Variants in CPNE8 observed in about 807,000 individuals in gnomAD.
CPNE8 encodes copine 8.
CPNE8 carries 45 observed loss-of-function variants against 81.5 expected under a neutral mutation model. The observed-to-expected ratio is 0.55, with a 90% confidence interval of 0.44 to 0.71. CPNE8 has a LOEUF of 0.71. CPNE8 is among the 30% of genes least tolerant of loss of function. CPNE8 has a pLI of 0.00. For synonymous variants in CPNE8, 252 were observed against 226.3 expected (o/e 1.11, Z -1.02); for missense variants, 594 against 672.1 (o/e 0.88, Z 1.28).
chr12:38,746,999 G>A (rs1383987352), intron 10 of CPNE8, among the ~76,000 whole-genome samples: 1 of 152,106 alleles, frequency 6.6e-6, no homozygotes, highest in African/African-American at 2.4e-5. Flanking sequence ...TGATCTGCAG[G>A]CCACCTCAGA....
chr12:38,810,598 G>T (rs1182007298), intron 6 of CPNE8, among the ~76,000 whole-genome samples: 2 of 152,132 alleles, frequency 1.3e-5, no homozygotes, highest in Admixed American at 6.6e-5. Context: ...TGCAAGAGGA[G>T]TGGGTGGAGG....
chr12:38,829,172 C>CT (rs1442859536), intron 6 of CPNE8, among the ~76,000 whole-genome samples: 1 of 152,102 alleles, frequency 6.6e-6, no homozygotes, highest in Admixed American at 6.6e-5. Context: ...CTCATTTCAT[C>CT]TTGTGAAAAT....
At chr12:38,803,719 G>C (rs1322590593) in intron 6 of CPNE8, among the ~76,000 whole-genome samples, 6 of 150,022 alleles carry the variant, frequency 4.0e-5, no homozygotes, top group Admixed American at 6.7e-5. Flanking sequence ...AAGTCAAATT[G>C]TCCCTGTTTG....
intron 1 of CPNE8, among the ~76,000 whole-genome samples, chr12:38,879,830 A>T (rs973688885): frequency 3.9e-5 from 6 of 152,112 alleles, no homozygotes; most frequent in African/African-American, 1.4e-4. Context: ...AGAAATTTTT[A>T]AAGTTCTAAT....
chr12:38,816,782 T>C (rs1385974499), intron 6 of CPNE8, among the ~76,000 whole-genome samples: 1 of 152,218 alleles, frequency 6.6e-6, no homozygotes, highest in East Asian at 1.9e-4. Flanking sequence ...TTTAGAATCT[T>C]TCATCAGAGT....
At chr12:38,733,064 C>T (rs915775061) in intron 10 of CPNE8, among the ~76,000 whole-genome samples, 45 of 151,904 alleles carry the variant, frequency 3.0e-4, no homozygotes, top group African/African-American at 9.9e-4. Context: ...TGAGGATTTG[C>T]TAAAAGTCAT....
intron 3 of CPNE8, among the ~76,000 whole-genome samples, chr12:38,851,995 C>A (rs2137063434): frequency 6.6e-6 from 1 of 152,282 alleles, no homozygotes; most frequent in South Asian, 2.1e-4. Flanking sequence ...CTGACTTTTT[C>A]CTCATCCTTT....
chr12:38,702,036 A>G (rs141766211), intron 14 of CPNE8, among the ~76,000 whole-genome samples: 3 of 152,290 alleles, frequency 2.0e-5, no homozygotes, highest in African/African-American at 7.2e-5. Context: ...CCTCTAAGGT[A>G]CTTTCTTCCC....
intron 1 of CPNE8, among the ~76,000 whole-genome samples, chr12:38,896,157 C>T (rs775618255): frequency 1.2e-4 from 19 of 152,162 alleles, no homozygotes; most frequent in African/African-American, 3.6e-4. Flanking sequence ...TATTTGAATT[C>T]GTTTACTGTC....
At chr12:38,800,963 A>G (rs1225434802) in intron 6 of CPNE8, among the ~76,000 whole-genome samples, 4 of 147,948 alleles carry the variant, frequency 2.7e-5, no homozygotes, top group Non-Finnish European at 6.0e-5. Context: ...GAGAAAAAAG[A>G]ATAAAAAGAA....
intron 13 of CPNE8, among the ~76,000 whole-genome samples, chr12:38,718,014 T>C (rs538909198): frequency 1.3e-5 from 2 of 152,128 alleles, no homozygotes; most frequent in East Asian, 3.9e-4. Flanking sequence ...ATATCATACT[T>C]ATTATGTATT....
chr12:38,897,697 A>T (rs1944407828), intron 1 of CPNE8, among the ~76,000 whole-genome samples: 1 of 151,466 alleles, frequency 6.6e-6, no homozygotes, highest in African/African-American at 2.4e-5. Flanking sequence ...TAATATACAC[A>T]GAGAGAATAT....
intron 10 of CPNE8, among the ~76,000 whole-genome samples, chr12:38,755,983 T>C (rs1461762012): frequency 1.5e-5 from 2 of 132,294 alleles, no homozygotes; most frequent in African/African-American, 5.5e-5. Flanking sequence ...GAGCTTGCAG[T>C]GAGCCGAGAT....
chr12:38,686,192 A>G (rs1443843257), intron 15 of CPNE8, among the ~76,000 whole-genome samples: 4 of 152,318 alleles, frequency 2.6e-5, no homozygotes, highest in South Asian at 4.1e-4. Context: ...TCAGGCCACA[A>G]TTGATAACTC....
Position 38,724,911 on chromosome 12 carries a change from GATAAAACAATTAA to G in CPNE8, c.799-25_799-13del. The G allele has an allele frequency of 6.6e-7, 1 of 1,522,562 alleles. No homozygotes were observed. Among genetic ancestry groups the G allele is most frequent in the Non-Finnish European group, 9.0e-7 (1 of 1,108,476 alleles). 94.3% of individuals were successfully genotyped at this position (1,522,562 alleles called of 1,614,324 possible). ...TTGGGATTCACCACCTTAAAAAGCAGATAAAACAATTAAAATGTGTTAGGTTTTATACCGAAGT... is the reference window on the plus strand; with the variant it reads ...TTGGGATTCACCACCTTAAAAAGCAGAATGTGTTAGGTTTTATACCGAAGT... On this transcript the variant is annotated splice_polypyrimidine_tract_variant and intron_variant, in intron 11 of 19. Transcript: ENST00000331366.
intron 3 of CPNE8, among the ~76,000 whole-genome samples, chr12:38,865,927 CTT>C (rs1405250045): frequency 6.6e-6 from 1 of 152,164 alleles, no homozygotes; most frequent in Non-Finnish European, 1.5e-5. Context: ...CTACAGGTAA[CTT>C]ATATTAACCC....
intron 10 of CPNE8, among the ~76,000 whole-genome samples, chr12:38,737,659 A>G (rs1486957870): frequency 1.3e-5 from 2 of 152,048 alleles, no homozygotes; most frequent in Non-Finnish European, 2.9e-5. Flanking sequence ...GTCAGCCATC[A>G]CTACCACATG....
At chr12:38,870,279 C>T (rs553513926) in intron 3 of CPNE8, among the ~76,000 whole-genome samples, 1 of 152,192 alleles carries the variant, frequency 6.6e-6, no homozygotes, top group Admixed American at 6.5e-5. Flanking sequence ...CCAGCAATCC[C>T]ATTACTGGAT....
intron 6 of CPNE8, among the ~76,000 whole-genome samples, chr12:38,827,793 G>A (rs1179726070): frequency 6.6e-6 from 1 of 152,108 alleles, no homozygotes; most frequent in African/African-American, 2.4e-5. Flanking sequence ...CACAAAGAAG[G>A]AAACAGCAGA....
Sources: gnomAD v4.1 joint callset for allele counts (sites outside exome capture counted in the v4.1 genomes callset) on GRCh38, gnomAD v4.1.1 for gene constraint, MANE v1.5 for transcripts, NCBI Gene and HGNC (gene_info 2026-07-23, HGNC 2026-07-21) for gene names.